TNRC6B: variants seen among roughly 807,000 people sequenced by gnomAD.
TNRC6B encodes trinucleotide repeat-containing gene 6B protein.
A neutral mutation model predicts 203.6 loss-of-function variants in TNRC6B; 52 were observed. The observed-to-expected ratio is 0.26, with a 90% CI of 0.20 to 0.32. The LOEUF is 0.32. TNRC6B is among the 10% of genes least tolerant of loss of function. The probability of loss-of-function intolerance (pLI) is 1.00; values close to 1 mark genes in which losing one functional copy is unlikely to be tolerated. For missense variants in TNRC6B, 1,923 were observed against 2,286.2 expected (o/e 0.84, Z 3.24); for synonymous variants, 838 against 845.7 (o/e 0.99, Z 0.16).
intron 1 of TNRC6B, among the ~76,000 whole-genome samples, chr22:40,196,008 A>C (rs1330031522): frequency 2.0e-5 from 3 of 149,064 alleles, no homozygotes; most frequent in Non-Finnish European, 3.0e-5. Context: ...CAATCTCCTG[A>C]CCTCGTGATC....
At chr22:40,123,498 C>A (rs555099449) in intron 2 of TNRC6B, among the ~76,000 whole-genome samples, 5 of 152,284 alleles carry the variant, frequency 3.3e-5, no homozygotes, top group Non-Finnish European at 5.9e-5. Context: ...CTTCCTCTCC[C>A]GACCTCCTGT....
chr22:40,138,863 A>C (rs1367168945), intron 3 of TNRC6B, among the ~76,000 whole-genome samples: 1 of 152,256 alleles, frequency 6.6e-6, no homozygotes, highest in Non-Finnish European at 1.5e-5. Flanking sequence ...TACTAAAAAA[A>C]AGTAAAAATA....
At chr22:40,202,849 A>C (rs1454594144) in intron 1 of TNRC6B, among the ~76,000 whole-genome samples, 1 of 152,086 alleles carries the variant, frequency 6.6e-6, no homozygotes, top group African/African-American at 2.4e-5. Context: ...GGTATCTCCA[A>C]AGTTACAGCT....
rs1039132532 is a variant in TNRC6B at position 40,246,144 on chromosome 22, A to T, written c.93+42A>T. 4 of 1,412,078 alleles carry T rather than the reference A, an allele frequency of 2.8e-6. No homozygotes were observed. The African/African-American group carries it at 5.8e-5, about 21-fold the overall frequency. The allele number at this position is 1,412,078 out of a possible 1,614,324, so 87.5% of individuals were successfully genotyped here. On this transcript the variant is annotated intron_variant, in intron 2 of 22. Transcript: ENST00000454349. ...AAGTCTGTCTTTTTATCTGCTAGGC[A>T]TCCAGCATCCAGAACAAGAAACTGT... is the stretch of plus-strand genomic sequence containing the variant.
chr22:40,262,046 C>T lies in TNRC6B; in HGVS notation c.330C>T (p.Pro110=). 4 of 1,597,358 alleles carry T rather than the reference C, an allele frequency of 2.5e-6. No homozygotes were observed. The highest frequency in any genetic ancestry group is 3.4e-6 in the Non-Finnish European group (4 of 1,170,682). Residue 110 remains proline, a synonymous_variant, in exon 4 of 23, where the codon CCC becomes CCT. Transcript: ENST00000454349. ...AAGTGTTACTAAAACGTGGGCAGCC[C>T]CCTCCACCGTCCTGCATGCTCCTTG... The part of the protein sequence containing the change: ...DHKVLLKRGQ[P]PPPSCMLLGG...
intron 17 of TNRC6B, among the ~76,000 whole-genome samples, chr22:40,311,977 A>G (rs898533520): frequency 6.6e-6 from 1 of 152,260 alleles, no homozygotes; most frequent in Non-Finnish European, 1.5e-5. Context: ...CAATAAAAAA[A>G]TTCCGAGCCC....
chr22:40,100,050 C>A (rs2068221793), intron 1 of TNRC6B, among the ~76,000 whole-genome samples: 1 of 148,938 alleles, frequency 6.7e-6, no homozygotes, highest in Non-Finnish European at 1.5e-5. Flanking sequence ...TGCGCCTGGC[C>A]CCTCCATTTT....
At position 40,326,164 on chromosome 22, in the gene TNRC6B, C is replaced by T. The variant is rs2071399562; in HGVS notation, c.*2923C>T. ...GTTTTCCTGCTTTAAAATTTGCAAG[C>T]ATTCTCAGGAATTCTAGGGTAGGAA... On this transcript the variant is annotated 3_prime_UTR_variant, in exon 23 of 23. Coordinates refer to ENST00000454349, the MANE Select transcript of TNRC6B (RefSeq NM_001162501.2). 6.6e-6 allele frequency: 1 copy of T among 152,460 alleles called. No homozygotes were observed. Among genetic ancestry groups the T allele is most frequent in the Non-Finnish European group, 1.5e-5 (1 of 68,002 alleles). The allele number at this position is 152,460 out of a possible 1,614,324, so 9.4% of individuals were successfully genotyped here. A position where few individuals can be genotyped will look rare whatever the true frequency, so the allele number is the denominator to read the frequency against.
At chr22:40,063,021 A>G (rs1312943285) in intron 1 of TNRC6B, among the ~76,000 whole-genome samples, 2 of 152,032 alleles carry the variant, frequency 1.3e-5, no homozygotes, top group African/African-American at 2.4e-5. Context: ...CAATGATCTA[A>G]TTCTATATTT....
chr22:40,155,040 T>TTAC (rs1177359576), intron 3 of TNRC6B, among the ~76,000 whole-genome samples: 8 of 150,922 alleles, frequency 5.3e-5, no homozygotes, highest in Non-Finnish European at 1.0e-4. Context: ...CAGATTGAGG[T>TTAC]GTGTAGCTGT....
intron 3 of TNRC6B, among the ~76,000 whole-genome samples, chr22:40,143,148 G>C (rs1601838498): frequency 6.6e-6 from 1 of 152,328 alleles, no homozygotes; most frequent in South Asian, 2.1e-4. Context: ...TGTGGAAAAA[G>C]GCTGGGCACA....
At chr22:40,088,584 T>TTGTG (rs58537972) in intron 1 of TNRC6B, among the ~76,000 whole-genome samples, 22,782 of 125,004 alleles carry the variant, frequency 0.18, 2,272 homozygotes, top group Admixed American at 0.23. Flanking sequence ...GCGGCTACTT[T>TTGTG]TGTGTGTGTG....
intron 1 of TNRC6B, among the ~76,000 whole-genome samples, chr22:40,109,053 A>G (rs1463246272): frequency 1.3e-5 from 2 of 151,316 alleles, no homozygotes; most frequent in Admixed American, 6.6e-5. Flanking sequence ...CTGTTCCTGC[A>G]TTAGTTTGCT....
In TNRC6B at chr22:40,308,635, A is replaced by G. The variant is rs754173050; in HGVS notation, c.4244A>G (p.Asn1415Ser). ...GLPSVATQEA[N>S]MHKNGAIVAP... ...CCCTCTGTAGCCACACAGGAAGCCAATATGCACAAAAATGGTAAGAGAAGC... is the reference window on the plus strand; with the variant it reads ...CCCTCTGTAGCCACACAGGAAGCCAGTATGCACAAAAATGGTAAGAGAAGC... The change falls in exon 16 of 23, where the codon AAT becomes AGT. Residue 1415 changes from asparagine (N) to serine (S), a missense_variant. Asn to Ser is a conservative substitution (Grantham distance 46). Coordinates refer to ENST00000454349, the MANE Select transcript of TNRC6B (RefSeq NM_001162501.2). The G allele has an allele frequency of 2.2e-5, 35 of 1,612,820 alleles. No homozygotes were observed. The highest frequency in any genetic ancestry group is 2.4e-5 in the Non-Finnish European group (28 of 1,179,450).
intron 7 of TNRC6B, among the ~76,000 whole-genome samples, chr22:40,276,256 A>G (rs1237185174): frequency 6.6e-6 from 1 of 151,608 alleles, no homozygotes; most frequent in Non-Finnish European, 1.5e-5. Context: ...CTGAGGCAGG[A>G]GAATGGCGTG....
At chr22:40,162,200 C>T (rs1344464844) in intron 4 of TNRC6B, among the ~76,000 whole-genome samples, 1 of 152,118 alleles carries the variant, frequency 6.6e-6, no homozygotes, top group African/African-American at 2.4e-5. Context: ...AGGTTCAAGC[C>T]ATTCTGCCCC....
At chr22:40,180,266 A>G (rs1201435807) in intron 1 of TNRC6B, among the ~76,000 whole-genome samples, 2 of 152,124 alleles carry the variant, frequency 1.3e-5, no homozygotes, top group African/African-American at 4.8e-5. Flanking sequence ...TTTTACACCT[A>G]TTTCCTAAAG....
chr22:40,142,437 G>A (rs1400931507), intron 3 of TNRC6B, among the ~76,000 whole-genome samples: 1 of 152,026 alleles, frequency 6.6e-6, no homozygotes, highest in Non-Finnish European at 1.5e-5. Flanking sequence ...TAAAAAGCAT[G>A]CAAAGTGCAA....
At chr22:40,066,620 AG>A (rs2067895501) in intron 1 of TNRC6B, among the ~76,000 whole-genome samples, 1 of 152,144 alleles carries the variant, frequency 6.6e-6, no homozygotes. Context: ...ACAAAATAAG[AG>A]TTGCAAAGTA....
Sources: allele counts gnomAD v4.1 joint callset (sites outside exome capture counted in the v4.1 genomes callset), GRCh38; gene constraint gnomAD v4.1.1; transcripts MANE v1.5; gene names NCBI Gene and HGNC (gene_info 2026-07-23, HGNC 2026-07-21).